Variants in DDR2 observed in about 807,000 individuals in gnomAD.
The protein encoded by DDR2 is discoidin domain receptor tyrosine kinase 2, also known as discoidin domain-containing receptor 2.
In DDR2, 27 loss-of-function variants were observed where a neutral mutation model predicts 94.9. That is an observed-to-expected ratio of 0.28 (90% CI 0.21 to 0.39). The LOEUF is 0.39. DDR2 is among the 10% of genes least tolerant of loss of function. The pLI, the probability that DDR2 is intolerant of heterozygous loss-of-function variation, is 1.00. For synonymous variants in DDR2, 382 were observed against 377.2 expected, an observed-to-expected ratio of 1.01 and a Z score of -0.15; for missense variants, 783 against 1,076.0, an observed-to-expected ratio of 0.73 and a Z score of 3.81.
At chr1:162,760,987 T>A (rs1003363529) in intron 8 of DDR2, among the ~76,000 whole-genome samples, 3 of 151,962 alleles carry the variant, frequency 2.0e-5, no homozygotes, top group South Asian at 2.1e-4. Flanking sequence ...AAAATGAAAT[T>A]GTTTTAGATT....
chr1:162,697,152 T>C (rs1660231169), intron 2 of DDR2, among the ~76,000 whole-genome samples: 1 of 152,144 alleles, frequency 6.6e-6, no homozygotes, highest in South Asian at 2.1e-4. Context: ...TTTTTCTCTG[T>C]TAATCTTTTT....
rs1194083219 is a variant in DDR2, at chr1:162,785,442, A to G, written c.*5196A>G. On this transcript the variant is annotated 3_prime_UTR_variant, in exon 18 of 18. Transcript: ENST00000367921. ...TAAATAGCCGTTATTAAATGGAATA[A>G]CAACCACATTAGACCAAATTAATTG... is the stretch of plus-strand genomic sequence containing the variant. The G allele has an allele frequency of 6.6e-6, 1 of 152,230 alleles. No homozygotes were observed. The highest frequency in any genetic ancestry group is 1.5e-5 in the Non-Finnish European group (1 of 68,044). 9.4% of individuals were successfully genotyped at this position (152,230 alleles called of 1,614,324 possible). A position where few individuals can be genotyped will look rare whatever the true frequency, so the allele number is the denominator to read the frequency against.
At chr1:162,702,508 C>T (rs1043986265) in intron 2 of DDR2, among the ~76,000 whole-genome samples, 8 of 152,142 alleles carry the variant, frequency 5.3e-5, no homozygotes, top group African/African-American at 1.9e-4. Context: ...GGTCATTCAT[C>T]GAATGTCTGT....
At chr1:162,691,935 A>C (rs1659978684) in intron 2 of DDR2, among the ~76,000 whole-genome samples, 1 of 152,226 alleles carries the variant, frequency 6.6e-6, no homozygotes, top group Non-Finnish European at 1.5e-5. Context: ...GGGCATATCC[A>C]CATGGTAGGC....
chr1:162,638,956 T>G (rs1656979044), intron 1 of DDR2, among the ~76,000 whole-genome samples: 1 of 152,190 alleles, frequency 6.6e-6, no homozygotes, highest in Admixed American at 6.5e-5. Flanking sequence ...TGATTCTTTT[T>G]TTTTTTCTTT....
chr1:162,684,226 T>C (rs1659550023), intron 2 of DDR2, among the ~76,000 whole-genome samples: 1 of 152,162 alleles, frequency 6.6e-6, no homozygotes, highest in Non-Finnish European at 1.5e-5. Context: ...CACTTAAACT[T>C]TTCTATCTCA....
At chr1:162,709,541 C>T (rs1660804811) in intron 2 of DDR2, among the ~76,000 whole-genome samples, 1 of 152,088 alleles carries the variant, frequency 6.6e-6, no homozygotes, top group Admixed American at 6.5e-5. Context: ...CAGGTTTTTA[C>T]CGTATGGTTC....
intron 3 of DDR2, among the ~76,000 whole-genome samples, chr1:162,751,986 G>A (rs1663231269): frequency 6.6e-6 from 1 of 152,102 alleles, no homozygotes; most frequent in East Asian, 1.9e-4. Flanking sequence ...TCACACACTG[G>A]GGCCTGTCGT....
chr1:162,739,424 A>T (rs1662479654), intron 3 of DDR2, among the ~76,000 whole-genome samples: 1 of 152,108 alleles, frequency 6.6e-6, no homozygotes, highest in South Asian at 2.1e-4. Flanking sequence ...TTCCTGCTTC[A>T]GCCTCCTGAG....
At chr1:162,664,348 A>T (rs889351114) in intron 2 of DDR2, among the ~76,000 whole-genome samples, 3 of 152,098 alleles carry the variant, frequency 2.0e-5, no homozygotes, top group Non-Finnish European at 2.9e-5. Flanking sequence ...AACCTTAAAA[A>T]TTTTCCATAA....
At chr1:162,635,443 A>G (rs575162568) in intron 1 of DDR2, among the ~76,000 whole-genome samples, 45 of 152,228 alleles carry the variant, frequency 3.0e-4, no homozygotes, top group African/African-American at 1.1e-3. Flanking sequence ...ATCCAAACAC[A>G]TGTCTCGCAG....
chr1:162,766,901 G>A (rs1664019241), intron 10 of DDR2, among the ~76,000 whole-genome samples: 1 of 151,764 alleles, frequency 6.6e-6, no homozygotes, highest in African/African-American at 2.4e-5. Context: ...GCGTAGTGGC[G>A]CATGCCTGTA....
intron 2 of DDR2, among the ~76,000 whole-genome samples, chr1:162,716,447 T>C (rs956797359): frequency 3.3e-5 from 5 of 152,220 alleles, no homozygotes; most frequent in African/African-American, 1.2e-4. Flanking sequence ...TCTCCAGGAT[T>C]CACCTGTGTG....
At chr1:162,761,631 T>C (rs1663752029) in intron 9 of DDR2, among the ~76,000 whole-genome samples, 177 bp downstream of exon 9, 1 of 152,164 alleles carries the variant, frequency 6.6e-6, no homozygotes, top group Non-Finnish European at 1.5e-5. Context: ...GGGGATGGGA[T>C]GAGAATGGAA....
chr1:162,676,205 G>A (rs1001685283), intron 2 of DDR2, among the ~76,000 whole-genome samples: 5 of 151,846 alleles, frequency 3.3e-5, no homozygotes, highest in African/African-American at 1.2e-4. Context: ...TGGTCTAAAG[G>A]CTCATAAAAC....
chr1:162,748,738 T>C (rs1663020236), intron 3 of DDR2, among the ~76,000 whole-genome samples: 1 of 152,132 alleles, frequency 6.6e-6, no homozygotes, highest in Non-Finnish European at 1.5e-5. Context: ...ATTCCAAAAT[T>C]GACCACATAG....
rs575566248 is a variant in DDR2 at position 162,740,861 on chromosome 1, G to A, written c.83-12234G>A. Among the ~76,000 whole-genome samples, 87 of 152,242 alleles carry A rather than the reference G, an allele frequency of 5.7e-4. 1 individual carries two copies. The highest frequency in any genetic ancestry group is 1.9e-3 in the African/African-American group (80 of 41,550). ...GGACTGGACTCTGAACACAGCGTTG[G>A]TTTCAGAAGAGAGAGAAGACACTAG... On this transcript the variant is annotated intron_variant, in intron 3 of 17. Coordinates refer to ENST00000367921, the MANE Select transcript of DDR2 (RefSeq NM_006182.4).
At chr1:162,641,151 A>T (rs1479758570) in intron 1 of DDR2, among the ~76,000 whole-genome samples, 1 of 152,192 alleles carries the variant, frequency 6.6e-6, no homozygotes, top group Non-Finnish European at 1.5e-5. Flanking sequence ...TGCCACCTAC[A>T]AGCAGTGGGA....
At chr1:162,665,612 A>G (rs1307175943) in intron 2 of DDR2, among the ~76,000 whole-genome samples, 2 of 149,792 alleles carry the variant, frequency 1.3e-5, no homozygotes, top group Non-Finnish European at 3.0e-5. Context: ...TATCAAAACT[A>G]TGGCACATGT....
Sources: allele counts gnomAD v4.1 joint callset (sites outside exome capture counted in the v4.1 genomes callset), GRCh38; gene constraint gnomAD v4.1.1; transcripts MANE v1.5; gene names NCBI Gene and HGNC (gene_info 2026-07-23, HGNC 2026-07-21).